Variants in ST3GAL2 observed in about 807,000 individuals in gnomAD.
ST3GAL2 encodes CMP-N-acetylneuraminate-beta-galactosamide-alpha-2,3-sialyltransferase 2.
Under a neutral mutation model 37.5 loss-of-function variants are expected in ST3GAL2, and 16 were observed. The ratio of observed to expected loss-of-function variants is 0.43; its 90% CI spans 0.29 to 0.65. ST3GAL2 has a LOEUF of 0.65. Ranked by LOEUF, ST3GAL2 falls within the 30% of genes least tolerant of loss-of-function variation. The probability of loss-of-function intolerance (pLI) is 0.17; values close to 1 mark genes in which losing one functional copy is unlikely to be tolerated. For synonymous variants in ST3GAL2, 238 were observed against 202.9 expected (o/e 1.17, Z -1.47); for missense variants, 383 against 487.8 (o/e 0.79, Z 2.02).
chr16:70,397,231 C>T lies in ST3GAL2; in HGVS notation c.339+961G>A, dbSNP rs1232425995. Among the ~76,000 whole-genome samples the T allele has an allele frequency of 3.3e-5, 5 of 150,886 alleles. No homozygotes were observed. In the South Asian group the frequency reaches 6.3e-4, roughly 19 times the overall value. ...AATTTTTTTTCATTTTTAGTAGAGA[C>T]GGGGTTTCACCACGTTGGTCAGGCT... On this transcript the variant is annotated intron_variant, in intron 2 of 6. Coordinates refer to ENST00000342907, the MANE Select transcript of ST3GAL2 (RefSeq NM_006927.4).
In ST3GAL2 at chr16:70,398,217, G is replaced by A. The variant is rs1420964692; in HGVS notation, c.314C>T (p.Pro105Leu). 1 of 1,613,166 alleles carries A rather than the reference G, an allele frequency of 6.2e-7. No homozygotes were observed. The highest frequency in any genetic ancestry group is 1.3e-5 in the African/African-American group (1 of 74,942). Residue 105 changes from proline (P) to leucine (L), a missense_variant, in exon 2 of 7, where the codon CCA becomes CTA. Pro to Leu is a moderately conservative substitution (Grantham distance 98). Around this residue, in one of 2 missense-constraint regions of ST3GAL2, gnomAD observed 223 missense variants for 239.1 expected, o/e 0.93. Transcript: ENST00000342907. ...CATCCACCACCTCTGGACGTCCGGT[G>A]GAAGATCCATGTTCTCTCGGGTCCA... The part of the protein sequence containing the change: ...PVWTRENMDL[P>L]PDVQRWWMML...
At chr16:70,397,501 A>T (rs1449760351) in intron 2 of ST3GAL2, among the ~76,000 whole-genome samples, 1 of 151,896 alleles carries the variant, frequency 6.6e-6, no homozygotes. Context: ...AGGCGGGCAG[A>T]TCATCTGAGG....
chr16:70,382,051 CTT>C lies in ST3GAL2; in HGVS notation c.880-191_880-190del, dbSNP rs11320527. The stretch of plus-strand genomic sequence containing the variant: ...CCTTTGCAGCCCTTGCAAATTCCTC[CTT>C]TTTTTTTTTTTTTTTTTTAATGGAG... On this transcript the variant is annotated intron_variant, in intron 6 of 6. Coordinates refer to ENST00000342907, the MANE Select transcript of ST3GAL2 (RefSeq NM_006927.4). Among the ~76,000 whole-genome samples, 620 of 129,200 alleles carry C rather than the reference CTT, an allele frequency of 4.8e-3. 1 individual carries two copies. The highest frequency in any genetic ancestry group is 0.015 in the African/African-American group (512 of 33,358). 84.8% of individuals were successfully genotyped at this position (129,200 alleles called of 152,430 possible). A position where few individuals can be genotyped will look rare whatever the true frequency, so the allele number is the denominator to read the frequency against.
intron 1 of ST3GAL2, 101 bp from the exon 2 acceptor site, chr16:70,399,634 T>C: frequency 2.6e-6 from 1 of 382,296 alleles, no homozygotes; most frequent in Non-Finnish European, 4.6e-6. Context: ...GGAGAGGAGA[T>C]GCCCACTTAA....
intron 1 of ST3GAL2, among the ~76,000 whole-genome samples, chr16:70,402,109 G>A (rs1330853238): frequency 6.6e-6 from 1 of 150,684 alleles, no homozygotes; most frequent in Non-Finnish European, 1.5e-5. Flanking sequence ...AGACCAGCCT[G>A]ACCAACGTGA....
chr16:70,409,719 T>C (rs370529400), intron 1 of ST3GAL2, among the ~76,000 whole-genome samples: 2 of 151,448 alleles, frequency 1.3e-5, no homozygotes, highest in African/African-American at 4.9e-5. Flanking sequence ...CAGTTGACTG[T>C]AGACTCGACC....
At chr16:70,438,587 G>A (rs1052892461) in intron 1 of ST3GAL2, among the ~76,000 whole-genome samples, 1 of 147,428 alleles carries the variant, frequency 6.8e-6, no homozygotes, top group African/African-American at 2.4e-5. Flanking sequence ...GAGACCCAGG[G>A]TTAGCGGTAC....
chr16:70,425,713 ACT>A (rs1469470387), intron 1 of ST3GAL2, among the ~76,000 whole-genome samples: 2 of 151,934 alleles, frequency 1.3e-5, no homozygotes, highest in South Asian at 2.1e-4. Context: ...CAAGAGCGAA[ACT>A]CTGTCTCAAA....
chr16:70,394,020 A>T (rs1324395943), intron 3 of ST3GAL2, among the ~76,000 whole-genome samples: 2 of 152,070 alleles, frequency 1.3e-5, no homozygotes, highest in Non-Finnish European at 2.9e-5. Flanking sequence ...GTCCCCAGCC[A>T]AGTCAAGGGG....
intron 1 of ST3GAL2, among the ~76,000 whole-genome samples, chr16:70,419,147 C>G (rs1303439327): frequency 6.6e-6 from 1 of 152,216 alleles, no homozygotes; most frequent in Non-Finnish European, 1.5e-5. Flanking sequence ...GCTGGCCACC[C>G]TGGAAAAGGC....
intron 1 of ST3GAL2, among the ~76,000 whole-genome samples, chr16:70,409,228 A>T (rs990181680): frequency 6.6e-6 from 1 of 152,180 alleles, no homozygotes; most frequent in Non-Finnish European, 1.5e-5. Flanking sequence ...GCTTCAGTCC[A>T]GGGGTTGGAG....
intron 3 of ST3GAL2, among the ~76,000 whole-genome samples, chr16:70,389,314 T>C (rs1029423949): frequency 2.6e-5 from 4 of 151,258 alleles, no homozygotes; most frequent in African/African-American, 4.9e-5. Flanking sequence ...TTAATTATTA[T>C]TAGTTTTGAG....
At position 70,439,052 on chromosome 16, in the gene ST3GAL2, TCCGGA is replaced by T; in HGVS notation, c.-1112_-1108del. On this transcript the variant is annotated 5_prime_UTR_variant, in exon 1 of 7. Coordinates refer to ENST00000342907, the MANE Select transcript of ST3GAL2 (RefSeq NM_006927.4). ...GCCGCCGCCGCCGCCGCCGCCGTCG[TCCGGA>T]CCCGTTAGCTCGCAGCTCTCTCGTC... 6.2e-6 allele frequency: 1 copy of T among 161,994 alleles called. No homozygotes were observed. The highest frequency in any genetic ancestry group is 1.3e-5 in the Non-Finnish European group (1 of 78,364). The allele number at this position is 161,994 out of a possible 1,614,324, so 10.0% of individuals were successfully genotyped here.
intron 2 of ST3GAL2, among the ~76,000 whole-genome samples, chr16:70,397,594 T>C (rs1262772784): frequency 1.3e-5 from 2 of 151,636 alleles, no homozygotes; most frequent in Non-Finnish European, 2.9e-5. Context: ...AGAGGGGTGG[T>C]GCATGCCTAT....
In ST3GAL2 at chr16:70,423,442, G is replaced by A. The variant is rs759660467; in HGVS notation, c.-1004+15507C>T. Among the ~76,000 whole-genome samples, 10 of 152,110 alleles carry A rather than the reference G, an allele frequency of 6.6e-5. No individual in the cohort carries two copies. The South Asian group carries it at 1.5e-3, about 22-fold the overall frequency. Reference sequence around the variant, plus strand: ...GGGGAATCGCTTGAACCTGGGAGGCGGAGGCTGCAATGAGCCAAGACCAAG... The same window carrying A: ...GGGGAATCGCTTGAACCTGGGAGGCAGAGGCTGCAATGAGCCAAGACCAAG... On this transcript the variant is annotated intron_variant, in intron 1 of 6. Transcript: ENST00000342907.
intron 1 of ST3GAL2, among the ~76,000 whole-genome samples, chr16:70,428,576 C>T (rs1328791228): frequency 1.3e-5 from 2 of 152,232 alleles, no homozygotes; most frequent in South Asian, 2.1e-4. Context: ...GGGCCCATCT[C>T]TCCCCAGACC....
intron 1 of ST3GAL2, among the ~76,000 whole-genome samples, chr16:70,430,552 T>A (rs544670486): frequency 1.4e-4 from 22 of 152,196 alleles, no homozygotes; most frequent in Admixed American, 5.9e-4. Flanking sequence ...CTGAATGGGA[T>A]CCCCATTCCT....
rs1307139752 is a variant in ST3GAL2, at chr16:70,377,631, T to C, written c.*4058A>G. On this transcript the variant is annotated 3_prime_UTR_variant, in exon 7 of 7. Transcript: ENST00000342907. ...CGAGGTCAGGAGTTCAAGACCAGCC[T>C]GGCCAACATGGTGAAACCCCGTCTC... 1.3e-5 allele frequency: 2 copies of C among 152,198 alleles called. No individual in the cohort carries two copies. Among genetic ancestry groups the C allele is most frequent in the East Asian group, 3.9e-4 (2 of 5,184 alleles). 9.4% of individuals were successfully genotyped at this position (152,198 alleles called of 1,614,324 possible). A position where few individuals can be genotyped will look rare whatever the true frequency, so the allele number is the denominator to read the frequency against.
At chr16:70,391,348 G>A (rs2047480975) in intron 3 of ST3GAL2, among the ~76,000 whole-genome samples, 2 of 152,158 alleles carry the variant, frequency 1.3e-5, no homozygotes, top group African/African-American at 4.8e-5. Flanking sequence ...AAACTAACAT[G>A]CTCTGTCTCC....
Sources: allele counts gnomAD v4.1 joint callset (sites outside exome capture counted in the v4.1 genomes callset), GRCh38; gene constraint gnomAD v4.1.1; regional missense constraint gnomAD v4.1.1; transcripts MANE v1.5; gene names NCBI Gene and HGNC (gene_info 2026-07-23, HGNC 2026-07-21).